Variants in VWA3B observed in about 807,000 individuals in gnomAD.
The protein encoded by VWA3B is von Willebrand factor A domain-containing protein 3B.
In VWA3B, 138 loss-of-function variants were observed where a neutral mutation model predicts 158.3. That is an observed-to-expected ratio of 0.87 (90% CI 0.76 to 1.00). VWA3B has a LOEUF of 1.00. Among genes scored for constraint, VWA3B ranks in the 50% least tolerant of loss-of-function variants. The probability of loss-of-function intolerance (pLI) is 0.00; values close to 1 mark genes in which losing one functional copy is unlikely to be tolerated. For synonymous variants in VWA3B, 596 were observed against 587.3 expected (o/e 1.01, Z -0.21); for missense variants, 1,555 against 1,565.1 (o/e 0.99, Z 0.11).
chr2:98,292,824 C>T (rs190712946), intron 23 of VWA3B, among the ~76,000 whole-genome samples: 5 of 151,926 alleles, frequency 3.3e-5, no homozygotes, highest in Admixed American at 2.6e-4. Flanking sequence ...ATTAGCCGGA[C>T]GTGGTGGCGG....
At chr2:98,118,829 TC>T (rs1674727821) in intron 3 of VWA3B, among the ~76,000 whole-genome samples, 1 of 152,262 alleles carries the variant, frequency 6.6e-6, no homozygotes, top group South Asian at 2.1e-4. Context: ...GTCTATGTCT[TC>T]TATTGCCTCT....
rs749733503 is a variant in VWA3B, at chr2:98,119,564, G to T, written c.343G>T (p.Ala115Ser). ...IYQFVEHLTQ[A>S]VESYKQRMDW... is the part of the protein sequence containing the mutation. Reference sequence around the variant, plus strand: ...TCAGTTTGTGGAACATTTAACACAAGCTGTGGAGAGCTACAAGCAGCGAAT... The same window carrying T: ...TCAGTTTGTGGAACATTTAACACAATCTGTGGAGAGCTACAAGCAGCGAAT... The change falls in exon 4 of 28, where the codon GCT (alanine) becomes TCT (serine). Residue 115 changes from alanine to serine, a missense_variant. By Grantham distance (99) the Ala-to-Ser change is moderately conservative. Transcript: ENST00000477737. 6.2e-7 allele frequency: 1 copy of T among 1,614,084 alleles called. No homozygotes were observed. The highest frequency in any genetic ancestry group is 1.1e-5 in the South Asian group (1 of 91,072).
chr2:98,325,987 G>A, the VWA3B span, among the ~76,000 whole-genome samples: 3 of 152,222 alleles, frequency 2.0e-5, no homozygotes, highest in African/African-American at 4.8e-5. Flanking sequence ...TATAAAGTGT[G>A]TTCTTGGCCC....
intron 22 of VWA3B, among the ~76,000 whole-genome samples, chr2:98,277,743 G>A (rs186368768): frequency 6.6e-6 from 1 of 152,276 alleles, no homozygotes; most frequent in East Asian, 1.9e-4. Context: ...GAGGCTGGAT[G>A]AGGTGGAATT....
chr2:98,129,206 G>A (rs1049996130), intron 6 of VWA3B, among the ~76,000 whole-genome samples: 1 of 128,434 alleles, frequency 7.8e-6, no homozygotes, highest in Non-Finnish European at 1.6e-5. Flanking sequence ...GAGAGAGAGA[G>A]GAGAGAGAGA....
downstream of VWA3B, among the ~76,000 whole-genome samples, chr2:98,313,992 C>G (rs1028451683): frequency 6.6e-6 from 1 of 152,232 alleles, no homozygotes; most frequent in Non-Finnish European, 1.5e-5. Flanking sequence ...AAACAACTAA[C>G]ACACCTGCTA....
In VWA3B at chr2:98,172,386, C is replaced by T. The variant is rs1018058546; in HGVS notation, c.1115-8630C>T. Among the ~76,000 whole-genome samples the T allele has an allele frequency of 5.3e-5, 8 of 152,082 alleles. 1 individual carries two copies. The South Asian group carries it at 6.2e-4, about 12-fold the overall frequency. ...CCAGGGGCCTGCTGGCATGCCGGTG[C>T]GTTCCTCCCGACATCCAGCCACCTG... is the stretch of plus-strand genomic sequence containing the variant. On this transcript the variant is annotated intron_variant, in intron 8 of 27. Transcript: ENST00000477737.
intron 17 of VWA3B, among the ~76,000 whole-genome samples, chr2:98,235,712 A>C (rs6733107): frequency 6.6e-5 from 10 of 152,128 alleles, no homozygotes; most frequent in African/African-American, 2.4e-4. Flanking sequence ...GGCCGGGCAC[A>C]GTGGCTCCCT....
In VWA3B at chr2:98,234,692, A is replaced by C. The variant is rs973330707; in HGVS notation, c.2353A>C (p.Arg785=). ...SLLRSQMSSL[R]SSACSERKDG... ...GCTCAGAAGCCAGATGTCCTCCCTC[A>C]GGAGCTCAGCTTGCAGTGAAAGGAA... The change falls in exon 17 of 28, where the codon AGG becomes CGG. Residue 785 remains arginine (R), a synonymous_variant. Transcript: ENST00000477737. The C allele has an allele frequency of 1.2e-6, 2 of 1,614,226 alleles. No homozygotes were observed. Among genetic ancestry groups the C allele is most frequent in the East Asian group, 4.5e-5 (2 of 44,892 alleles).
chr2:98,133,802 T>C, intron 6 of VWA3B, 22 bp from the exon 7 acceptor site: 3 of 1,609,798 alleles, frequency 1.9e-6, no homozygotes, highest in Non-Finnish European at 2.6e-6. Flanking sequence ...GCCTTCCTAA[T>C]GAGCATCTCT....
At chr2:98,118,393 G>A (rs1007389658) in intron 3 of VWA3B, among the ~76,000 whole-genome samples, 3 of 152,142 alleles carry the variant, frequency 2.0e-5, no homozygotes, top group Non-Finnish European at 4.4e-5. Context: ...GTGGAATGAG[G>A]TGATGTGGTC....
chr2:98,233,644 G>A (rs775894308), intron 16 of VWA3B, among the ~76,000 whole-genome samples: 25 of 152,152 alleles, frequency 1.6e-4, no homozygotes, highest in Admixed American at 3.3e-4. Flanking sequence ...AATGATTACC[G>A]TATAGCACAC....
At chr2:98,127,925 T>C (rs2105010638) in intron 5 of VWA3B, among the ~76,000 whole-genome samples, 1 of 152,294 alleles carries the variant, frequency 6.6e-6, no homozygotes, top group Non-Finnish European at 1.5e-5. Flanking sequence ...CTTCATTGCT[T>C]GACTTGAAAA....
chr2:98,250,144 G>A (rs1686702544), intron 19 of VWA3B, among the ~76,000 whole-genome samples, 174 bp from the exon 20 acceptor site: 1 of 152,126 alleles, frequency 6.6e-6, no homozygotes, highest in Non-Finnish European at 1.5e-5. Flanking sequence ...GTAAAGGTTA[G>A]CAATGATATC....
chr2:98,215,930 T>G (rs147958744), intron 13 of VWA3B, among the ~76,000 whole-genome samples: 90 of 152,342 alleles, frequency 5.9e-4, no homozygotes, highest in Non-Finnish European at 6.5e-4. Context: ...AAAGGCAAAT[T>G]GATATTTGAT....
rs755323625 is a variant in VWA3B at position 98,188,546 on chromosome 2, T to C, written c.1466+417T>C. On this transcript the variant is annotated intron_variant, in intron 10 of 27. Coordinates refer to ENST00000477737, the MANE Select transcript of VWA3B (RefSeq NM_144992.5). ...AATACAGTTCTACTCACTACCTCTATCTGCTCAGATATTTTTAGCTCCCAC... is the reference window on the plus strand; with the variant it reads ...AATACAGTTCTACTCACTACCTCTACCTGCTCAGATATTTTTAGCTCCCAC... Among the ~76,000 whole-genome samples, 28 of 152,200 alleles carry C rather than the reference T, an allele frequency of 1.8e-4. 1 individual carries two copies. The highest frequency in any genetic ancestry group is 2.5e-4 in the Non-Finnish European group (17 of 68,040).
chr2:98,177,850 G>T (rs1680142760), intron 8 of VWA3B, among the ~76,000 whole-genome samples: 2 of 152,254 alleles, frequency 1.3e-5, no homozygotes, highest in East Asian at 1.9e-4. Context: ...ATTTATACTT[G>T]ATAGAGGGCT....
chr2:98,283,365 C>T (rs2105926103), intron 22 of VWA3B, among the ~76,000 whole-genome samples: 1 of 152,272 alleles, frequency 6.6e-6, no homozygotes, highest in African/African-American at 2.4e-5. Flanking sequence ...AAGTATCCTC[C>T]CAGCCAGCTG....
rs1015661840 is a variant in VWA3B, at chr2:98,280,509, G to T, written c.3045+9626G>T. ...CAGGGAGGGGAAGGAATGTTTCCTG[G>T]TTCGGGGATCTGTCTGTGGAAGTGT... On this transcript the variant is annotated intron_variant, in intron 22 of 27. Coordinates refer to ENST00000477737, the MANE Select transcript of VWA3B (RefSeq NM_144992.5). Among the ~76,000 whole-genome samples, 14 of 152,334 alleles carry T rather than the reference G, an allele frequency of 9.2e-5. No homozygotes were observed. The East Asian group carries it at 2.7e-3, about 29-fold the overall frequency.
Sources: allele counts gnomAD v4.1 joint callset (sites outside exome capture counted in the v4.1 genomes callset), GRCh38; gene constraint gnomAD v4.1.1; transcripts MANE v1.5; gene names NCBI Gene and HGNC (gene_info 2026-07-23, HGNC 2026-07-21).